The following CELF2 variants were observed in gnomAD, a reference collection of about 807,000 sequenced individuals.
CELF2 encodes CUGBP Elav-like family member 2.
Under a neutral mutation model 62.6 loss-of-function variants are expected in CELF2, and 8 were observed. The observed-to-expected ratio is 0.13, with a 90% CI of 0.07 to 0.23. The LOEUF (loss-of-function observed/expected upper bound fraction) is 0.23, where lower values mean the gene tolerates loss of function less well. CELF2 is among the 10% of genes least tolerant of loss of function. CELF2 has a pLI of 1.00. For synonymous variants in CELF2, 258 were observed against 250.0 expected, an observed-to-expected ratio of 1.03 and a Z score of -0.30; for missense variants, 333 against 671.0, an observed-to-expected ratio of 0.50 and a Z score of 5.56.
chr10:10,726,506 C>G, the CELF2 span, among the ~76,000 whole-genome samples: 1 of 152,146 alleles, frequency 6.6e-6, no homozygotes, highest in Non-Finnish European at 1.5e-5. Context: ...CCCAAGGTAC[C>G]TCACCGACCT....
At chr10:11,077,671 G>A (rs55861666) in intron 1 of CELF2, among the ~76,000 whole-genome samples, 2,931 of 152,262 alleles carry the variant, frequency 0.019, 43 homozygotes, top group African/African-American at 0.037. Context: ...AGCGTTTATC[G>A]TCGTGTGAAA....
chr10:10,633,171 G>A, the CELF2 span, among the ~76,000 whole-genome samples: 99 of 152,216 alleles, frequency 6.5e-4, no homozygotes, highest in African/African-American at 2.1e-3. Flanking sequence ...TCATTTCACC[G>A]TCCTGTGCGT....
At chr10:11,276,208 T>C (rs1265902694) in intron 8 of CELF2, among the ~76,000 whole-genome samples, 1 of 151,878 alleles carries the variant, frequency 6.6e-6, no homozygotes. Flanking sequence ...TCTCCCTGGG[T>C]GTGGTGTGTG....
At chr10:10,487,302 A>T in the CELF2 span, among the ~76,000 whole-genome samples, 1 of 152,210 alleles carries the variant, frequency 6.6e-6, no homozygotes, top group Non-Finnish European at 1.5e-5. Flanking sequence ...GCCACGTCAG[A>T]GGTCAGAGCA....
chr10:10,550,855 C>T, the CELF2 span, among the ~76,000 whole-genome samples: 6 of 152,116 alleles, frequency 3.9e-5, no homozygotes, highest in South Asian at 2.1e-4. Flanking sequence ...TGAGCCACCA[C>T]GCCTGGCTAA....
At chr10:11,278,398 C>T (rs1357184925) in intron 8 of CELF2, among the ~76,000 whole-genome samples, 1 of 152,162 alleles carries the variant, frequency 6.6e-6, no homozygotes, top group African/African-American at 2.4e-5. Flanking sequence ...CCTCTTAAAA[C>T]TTCTAATGAA....
intron 1 of CELF2, among the ~76,000 whole-genome samples, chr10:10,870,284 A>T (rs2060656499): frequency 6.6e-6 from 1 of 152,198 alleles, no homozygotes; most frequent in African/African-American, 2.4e-5. Flanking sequence ...AAAAGGCCAT[A>T]AGTCATTGAG....
chr10:10,568,438 C>T, the CELF2 span, among the ~76,000 whole-genome samples: 1 of 152,160 alleles, frequency 6.6e-6, no homozygotes, highest in Non-Finnish European at 1.5e-5. Flanking sequence ...TGCTTATCAC[C>T]TATGGCTACT....
chr10:10,548,551 T>C, the CELF2 span, among the ~76,000 whole-genome samples: 4 of 152,234 alleles, frequency 2.6e-5, no homozygotes, highest in Admixed American at 1.3e-4. Flanking sequence ...TTTACAGTTA[T>C]AGGAGTCGCA....
intron 1 of CELF2, among the ~76,000 whole-genome samples, chr10:11,152,765 T>C (rs2063571953): frequency 6.6e-6 from 1 of 152,196 alleles, no homozygotes; most frequent in African/African-American, 2.4e-5. Flanking sequence ...CTTACATAAC[T>C]CTTGTCACAG....
intron 1 of CELF2, among the ~76,000 whole-genome samples, chr10:10,853,211 C>T (rs1400083720): frequency 6.6e-6 from 1 of 152,162 alleles, no homozygotes; most frequent in Non-Finnish European, 1.5e-5. Flanking sequence ...GAACTCCTGA[C>T]CTCAGGCAAT....
At chr10:11,298,296 C>T (rs1360118617) in intron 9 of CELF2, among the ~76,000 whole-genome samples, 1 of 152,200 alleles carries the variant, frequency 6.6e-6, no homozygotes, top group East Asian at 1.9e-4. Flanking sequence ...CCTTGTGGTG[C>T]CATCTCGACC....
In CELF2 at chr10:11,306,809, G is replaced by A. The variant is rs1347930466; in HGVS notation, c.977-7330G>A. Among the ~76,000 whole-genome samples the A allele has an allele frequency of 6.6e-6, 1 of 152,154 alleles. No individual in the cohort carries two copies. Among genetic ancestry groups the A allele is most frequent in the Non-Finnish European group, 1.5e-5 (1 of 68,022 alleles). ...GTCTAAGAACAGCGTAGTAAGAAGT[G>A]AGAAATTATGTCCAGTTCACTATAG... On this transcript the variant is annotated intron_variant, in intron 9 of 12. Coordinates refer to ENST00000633077, the MANE Select transcript of CELF2 (RefSeq NM_001326342.2). This position sits in a 1 kb window ranked among gnomAD's most constrained non-coding sequence, Gnocchi z 4.4.
chr10:10,660,005 T>A, the CELF2 span, among the ~76,000 whole-genome samples: 1 of 152,076 alleles, frequency 6.6e-6, no homozygotes, highest in Non-Finnish European at 1.5e-5. Context: ...CAATAGAAGT[T>A]CAGAGAGAGC....
At chr10:10,737,745 GGTTCCCT>G in the CELF2 span, among the ~76,000 whole-genome samples, 1 of 151,502 alleles carries the variant, frequency 6.6e-6, no homozygotes, top group Admixed American at 6.6e-5. Flanking sequence ...AACCTTGGCA[GGTTCCCT>G]GCCATACTGC....
At position 11,296,724 on chromosome 10, in the gene CELF2, G is replaced by T. The variant is rs1490440977; in HGVS notation, c.976+8172G>T. Among the ~76,000 whole-genome samples, 2 of 152,176 alleles carry T rather than the reference G, an allele frequency of 1.3e-5. No homozygotes were observed. Among genetic ancestry groups the T allele is most frequent in the African/African-American group, 2.4e-5 (1 of 41,432 alleles). On this transcript the variant is annotated intron_variant, in intron 9 of 12. Transcript: ENST00000633077. The surrounding 1 kb of genome is among the most constrained non-coding windows in gnomAD (Gnocchi z 5.0). ...CCTGTACAGCACAGACAGCAGGAAGGCAGGTAAGGTACAGGGGTCAGTGAC... is the reference window on the plus strand; with the variant it reads ...CCTGTACAGCACAGACAGCAGGAAGTCAGGTAAGGTACAGGGGTCAGTGAC...
chr10:10,986,268 TC>T (rs2052738376), intron 2 of CELF2, among the ~76,000 whole-genome samples: 2 of 152,318 alleles, frequency 1.3e-5, no homozygotes, highest in East Asian at 3.9e-4. Flanking sequence ...TTTGCTAGAA[TC>T]TAGGATAAAT....
chr10:11,192,587 A>T (rs576102616), intron 2 of CELF2, among the ~76,000 whole-genome samples: 1 of 152,352 alleles, frequency 6.6e-6, no homozygotes, highest in Admixed American at 6.5e-5. Context: ...TGGCAGTCTC[A>T]TGACAATAAC....
chr10:11,216,669 C>A (rs1213680896), intron 2 of CELF2, among the ~76,000 whole-genome samples: 1 of 152,138 alleles, frequency 6.6e-6, no homozygotes, highest in South Asian at 2.1e-4. Flanking sequence ...AGGAGGTTGG[C>A]TGGAAAAAGG....
Sources: allele counts gnomAD v4.1 joint callset (sites outside exome capture counted in the v4.1 genomes callset), GRCh38; gene constraint gnomAD v4.1.1; non-coding constraint Gnocchi (gnomAD v3.1); transcripts MANE v1.5; gene names NCBI Gene and HGNC (gene_info 2026-07-23, HGNC 2026-07-21).